The following CFAP299 variants were observed in gnomAD, a reference collection of about 807,000 sequenced individuals.
CFAP299 encodes the protein cilia- and flagella-associated protein 299.
CFAP299 carries 21 observed loss-of-function variants against 27.0 expected under a neutral mutation model. That is an observed-to-expected ratio of 0.78 (90% CI 0.55 to 1.12). The LOEUF (loss-of-function observed/expected upper bound fraction) is 1.12, where lower values mean the gene tolerates loss of function less well. CFAP299 is among the 50% of genes most tolerant of loss of function. The pLI is 0.00. For synonymous variants in CFAP299, 104 were observed against 98.1 expected (o/e 1.06, Z -0.36); for missense variants, 310 against 276.6 (o/e 1.12, Z -0.86).
intron 2 of CFAP299, among the ~76,000 whole-genome samples, chr4:80,498,730 A>G (rs1731582922): frequency 6.6e-6 from 1 of 152,168 alleles, no homozygotes; most frequent in South Asian, 2.1e-4. Flanking sequence ...TGACTCAGCA[A>G]TCGGATTACA....
intron 3 of CFAP299, among the ~76,000 whole-genome samples, chr4:80,615,561 C>T (rs1738228362): frequency 6.6e-6 from 1 of 150,570 alleles, no homozygotes; most frequent in South Asian, 2.1e-4. Flanking sequence ...GAAGCAAGGT[C>T]TTGCTTTGTC....
chr4:80,800,356 G>GATATATTAATATAATATATAATATATA (rs1728388194), intron 3 of CFAP299, among the ~76,000 whole-genome samples: 1 of 51,100 alleles, frequency 2.0e-5, no homozygotes, highest in African/African-American at 9.1e-5. Flanking sequence ...TAATATATAT[G>GATATATTAATATAATATATAATATATA]ATATATTAAT....
chr4:80,581,463 T>G (rs1384772519), intron 2 of CFAP299, among the ~76,000 whole-genome samples: 1,585 of 129,942 alleles, frequency 0.012, 65 homozygotes, highest in East Asian at 0.022. Context: ...GATATATATA[T>G]ATATATATAT....
At chr4:80,755,992 T>C (rs1725216539) in intron 3 of CFAP299, among the ~76,000 whole-genome samples, 1 of 152,082 alleles carries the variant, frequency 6.6e-6, no homozygotes, top group Admixed American at 6.6e-5. Flanking sequence ...ATGAAGTGAA[T>C]AGTGTATATA....
intron 2 of CFAP299, among the ~76,000 whole-genome samples, chr4:80,441,047 T>C (rs1178088210): frequency 6.6e-6 from 1 of 152,164 alleles, no homozygotes; most frequent in Non-Finnish European, 1.5e-5. Context: ...CCATGAAATA[T>C]GGGACTGTGT....
chr4:80,327,701 T>TATAACTTCAATAC, the CFAP299 span, among the ~76,000 whole-genome samples: 6 of 61,182 alleles, frequency 9.8e-5, no homozygotes, highest in Non-Finnish European at 1.6e-4. Context: ...TATATATATA[T>TATAACTTCAATAC]ATATATATAT....
intron 2 of CFAP299, among the ~76,000 whole-genome samples, chr4:80,531,660 A>G (rs1560610572): frequency 6.6e-6 from 1 of 151,998 alleles, no homozygotes; most frequent in East Asian, 1.9e-4. Flanking sequence ...CAAGGTGGCA[A>G]TGTTCCTAGC....
At chr4:80,553,408 A>G (rs1245423100) in intron 2 of CFAP299, among the ~76,000 whole-genome samples, 1 of 152,182 alleles carries the variant, frequency 6.6e-6, no homozygotes, top group Non-Finnish European at 1.5e-5. Context: ...TCTGTCATTG[A>G]TAGGCATTTA....
intron 3 of CFAP299, among the ~76,000 whole-genome samples, chr4:80,800,233 A>ATATATCATACTAT (rs370973281): frequency 1.8e-3 from 103 of 58,452 alleles, no homozygotes; most frequent in Middle Eastern, 0.025. Context: ...ATATATAATA[A>ATATATCATACTAT]ATAATATAAT....
At chr4:80,669,532 T>C (rs543600056) in intron 3 of CFAP299, among the ~76,000 whole-genome samples, 209 of 152,250 alleles carry the variant, frequency 1.4e-3, no homozygotes, top group Admixed American at 3.1e-3. Context: ...ATTTTGTGTC[T>C]TGCAAATTTA....
intron 4 of CFAP299, among the ~76,000 whole-genome samples, chr4:80,877,586 A>G (rs565044777): frequency 6.6e-6 from 1 of 152,316 alleles, no homozygotes; most frequent in East Asian, 1.9e-4. Context: ...GAGATCTCAC[A>G]AAACCTCTAG....
intron 2 of CFAP299, among the ~76,000 whole-genome samples, chr4:80,488,802 A>G (rs994182075): frequency 2.6e-5 from 4 of 152,206 alleles, no homozygotes; most frequent in African/African-American, 9.7e-5. Context: ...TGAGTATGTT[A>G]TATTTTATGC....
intron 3 of CFAP299, among the ~76,000 whole-genome samples, chr4:80,846,839 A>G (rs1478281767): frequency 6.6e-6 from 1 of 152,070 alleles, no homozygotes. Flanking sequence ...TTTAATACCA[A>G]CCAGCACACT....
In CFAP299 at chr4:80,794,581, G is replaced by C. The variant is rs567690579; in HGVS notation, c.334-75412G>C. Among the ~76,000 whole-genome samples the C allele has an allele frequency of 3.3e-5, 5 of 152,194 alleles. No homozygotes were observed. The East Asian group carries it at 9.6e-4, about 29-fold the overall frequency. ...AATCCAGCTGCTTCAGGATGATGGG[G>C]AACATAGTAAGACCAGTGAATTCCA... On this transcript the variant is annotated intron_variant, in intron 3 of 5. Coordinates refer to ENST00000358105, the MANE Select transcript of CFAP299 (RefSeq NM_152770.3).
chr4:80,660,891 G>A (rs906032421), intron 3 of CFAP299, among the ~76,000 whole-genome samples: 1 of 152,154 alleles, frequency 6.6e-6, no homozygotes, highest in Non-Finnish European at 1.5e-5. Flanking sequence ...TGAAAAAAAT[G>A]TCTGGATCAA....
intron 3 of CFAP299, among the ~76,000 whole-genome samples, chr4:80,684,375 T>C (rs1275989475): frequency 1.3e-5 from 2 of 152,110 alleles, no homozygotes; most frequent in African/African-American, 4.8e-5. Flanking sequence ...ACCATTCTCC[T>C]GCCTCAGCCT....
chr4:80,939,340 G>A (rs1210675856), intron 4 of CFAP299, among the ~76,000 whole-genome samples: 1 of 152,076 alleles, frequency 6.6e-6, no homozygotes, highest in Non-Finnish European at 1.5e-5. Flanking sequence ...TATAAGCAAT[G>A]CAGGCTTTCT....
chr4:80,645,529 C>CCA (rs1279963660), intron 3 of CFAP299, among the ~76,000 whole-genome samples: 4 of 151,978 alleles, frequency 2.6e-5, no homozygotes, highest in South Asian at 2.1e-4. Flanking sequence ...GTCAAGTTAT[C>CCA]CACACACACA....
At chr4:80,519,651 A>G (rs1174865659) in intron 2 of CFAP299, among the ~76,000 whole-genome samples, 1 of 152,220 alleles carries the variant, frequency 6.6e-6, no homozygotes, top group African/African-American at 2.4e-5. Flanking sequence ...AGGGATCATT[A>G]TAAAATCGTA....
Sources: allele counts gnomAD v4.1 joint callset (sites outside exome capture counted in the v4.1 genomes callset), GRCh38; gene constraint gnomAD v4.1.1; transcripts MANE v1.5; gene names NCBI Gene and HGNC (gene_info 2026-07-23, HGNC 2026-07-21).